The following TMC2 variants were observed in gnomAD, a reference collection of about 807,000 sequenced individuals.
TMC2 encodes transmembrane channel-like protein 2.
TMC2 carries 102 observed loss-of-function variants against 105.9 expected under a neutral mutation model. The observed-to-expected ratio is 0.96, with a 90% confidence interval of 0.82 to 1.14. The LOEUF is 1.14. Among genes scored for constraint, TMC2 ranks in the 50% most tolerant of loss-of-function variants. The probability of loss-of-function intolerance (pLI) is 0.00; values close to 1 mark genes in which losing one functional copy is unlikely to be tolerated. For missense variants in TMC2, 1,093 were observed against 1,134.3 expected (o/e 0.96, Z 0.52); for synonymous variants, 402 against 422.8 (o/e 0.95, Z 0.60).
At position 2,616,006 on chromosome 20, in the gene TMC2, G is replaced by C; in HGVS notation, c.1873-131G>C. The C allele has an allele frequency of 1.6e-6, 1 of 624,886 alleles. No individual in the cohort carries two copies. Among genetic ancestry groups the C allele is most frequent in the South Asian group, 2.1e-5 (1 of 48,480 alleles). The allele number at this position is 624,886 out of a possible 1,614,324, so 38.7% of individuals were successfully genotyped here. A position where few individuals can be genotyped will look rare whatever the true frequency, so the allele number is the denominator to read the frequency against. ...ATGCTAAATCTAAGGTTCTTCTCTA[G>C]TTACCAGAGCAGGCTCTTTGGGATG... On this transcript the variant is annotated intron_variant, in intron 14 of 19. Coordinates refer to ENST00000358864, the MANE Select transcript of TMC2 (RefSeq NM_080751.3). This position sits in a 1 kb window ranked among gnomAD's most constrained non-coding sequence, Gnocchi z 4.8.
chr20:2,608,300 TTTATTATTATTATTATTA>T (rs61608674), intron 11 of TMC2, among the ~76,000 whole-genome samples: 5 of 134,598 alleles, frequency 3.7e-5, no homozygotes, highest in South Asian at 2.5e-4. Flanking sequence ...CTTATTTTTA[TTTATTATTATTATTATTA>T]TTATTATTAT....
At chr20:2,620,186 T>G (rs1389540482) in intron 16 of TMC2, among the ~76,000 whole-genome samples, 1 of 152,246 alleles carries the variant, frequency 6.6e-6, no homozygotes, top group East Asian at 1.9e-4. Flanking sequence ...TTCTTCATGC[T>G]GCTTATAGAA....
At chr20:2,606,799 A>G (rs1298771807) in intron 11 of TMC2, among the ~76,000 whole-genome samples, 2 of 137,890 alleles carry the variant, frequency 1.5e-5, no homozygotes, top group African/African-American at 5.6e-5. Flanking sequence ...CCCCCTTTTT[A>G]TCTTTTTCTT....
chr20:2,597,286 C>A lies in TMC2; in HGVS notation c.1212C>A (p.Thr404=), dbSNP rs750935447. Residue 404 remains threonine (T), a synonymous_variant, in exon 10 of 20, where the codon ACC becomes ACA. Transcript: ENST00000358864. ...CTGATAACAAATATGCATCCATCAC[C>A]ACCAGCTTCAAGGTAGTCACCCCAG... ...ETADNKYASI[T]TSFKESIVDE... 1.2e-6 allele frequency: 2 copies of A among 1,613,802 alleles called. No homozygotes were observed. Among genetic ancestry groups the A allele is most frequent in the East Asian group, 2.2e-5 (1 of 44,852 alleles).
intron 2 of TMC2, among the ~76,000 whole-genome samples, chr20:2,552,950 T>C (rs1169455803): frequency 6.6e-6 from 1 of 152,214 alleles, no homozygotes; most frequent in East Asian, 1.9e-4. Flanking sequence ...TGTTACAAAA[T>C]GGCTTATTGG....
chr20:2,574,626 C>T (rs2086129922), intron 5 of TMC2, among the ~76,000 whole-genome samples: 1 of 152,128 alleles, frequency 6.6e-6, no homozygotes, highest in African/African-American at 2.4e-5. Flanking sequence ...CTTCCTGAAA[C>T]TTGATCATTT....
chr20:2,624,444 G>C lies in TMC2; in HGVS notation c.2306+48G>C, dbSNP rs765140564. 5.1e-6 allele frequency: 8 copies of C among 1,582,032 alleles called. No homozygotes were observed. The South Asian group carries it at 9.2e-5, about 18-fold the overall frequency. On this transcript the variant is annotated intron_variant, in intron 17 of 19. Coordinates refer to ENST00000358864, the MANE Select transcript of TMC2 (RefSeq NM_080751.3). ...CTCCACCCCACGGAAACTTCTCCTT[G>C]AATTTGAGACTTCCTTGGCAGGTCC...
At chr20:2,566,078 A>G (rs2086062113) in intron 4 of TMC2, among the ~76,000 whole-genome samples, 1 of 152,182 alleles carries the variant, frequency 6.6e-6, no homozygotes, top group Non-Finnish European at 1.5e-5. Context: ...GGACATAAAA[A>G]GCAACAGCAG....
At chr20:2,614,373 A>G (rs956355886) in intron 14 of TMC2, among the ~76,000 whole-genome samples, 2 of 152,158 alleles carry the variant, frequency 1.3e-5, no homozygotes, top group Non-Finnish European at 2.9e-5. Flanking sequence ...TGGGAGGCCA[A>G]ATTAGGAGAA....
At chr20:2,542,952 C>A (rs2085899812) in intron 2 of TMC2, among the ~76,000 whole-genome samples, 1 of 151,754 alleles carries the variant, frequency 6.6e-6, no homozygotes, top group South Asian at 2.1e-4. Flanking sequence ...AAACAAAATA[C>A]AAGGCCAGGC....
chr20:2,543,223 T>C (rs572943161), intron 2 of TMC2, among the ~76,000 whole-genome samples: 267 of 152,078 alleles, frequency 1.8e-3, no homozygotes, highest in Non-Finnish European at 2.7e-3. Context: ...GGTGACAGAG[T>C]GAGACTCTGT....
intron 2 of TMC2, among the ~76,000 whole-genome samples, chr20:2,538,586 T>C (rs2085867609): frequency 6.6e-6 from 1 of 152,164 alleles, no homozygotes; most frequent in Non-Finnish European, 1.5e-5. Flanking sequence ...TCCCTCTGCC[T>C]CTGCTGCAGG....
chr20:2,606,466 G>T (rs1471996213), intron 11 of TMC2, among the ~76,000 whole-genome samples: 2 of 152,042 alleles, frequency 1.3e-5, no homozygotes, highest in African/African-American at 4.8e-5. Flanking sequence ...CACCCTGTTG[G>T]CCAGGCTGGT....
intron 17 of TMC2, among the ~76,000 whole-genome samples, chr20:2,624,905 C>T (rs963040063): frequency 2.0e-5 from 3 of 152,168 alleles, no homozygotes; most frequent in Non-Finnish European, 2.9e-5. Flanking sequence ...GGAAGCTGAA[C>T]GGTGATTCGG....
At chr20:2,584,261 G>C (rs1440434083) in intron 7 of TMC2, among the ~76,000 whole-genome samples, 1 of 151,166 alleles carries the variant, frequency 6.6e-6, no homozygotes, top group Non-Finnish European at 1.5e-5. Context: ...CGGCTAACAC[G>C]GTGAAACCCC....
At chr20:2,561,829 C>G in intron 3 of TMC2, 29 bp from the exon 4 acceptor site, 1 of 1,601,084 alleles carries the variant, frequency 6.2e-7, no homozygotes, top group Non-Finnish European at 8.5e-7. Flanking sequence ...TCCAACTTCC[C>G]TCTGCCTCCG....
Position 2,633,039 on chromosome 20 carries a change from GAACT to G in TMC2, c.2307-2884_2307-2881del, listed in dbSNP as rs575352986. On this transcript the variant is annotated intron_variant, in intron 17 of 19. Transcript: ENST00000358864. ...GTTATTGTTGTTTAATAACTTTTCTGAACTAATTATGTAAAGTCTGTTTTCTTTG... is the reference window on the plus strand; with the variant it reads ...GTTATTGTTGTTTAATAACTTTTCTGAATTATGTAAAGTCTGTTTTCTTTG... Among the ~76,000 whole-genome samples, 534 of 152,284 alleles carry G rather than the reference GAACT, an allele frequency of 3.5e-3. 3 individuals carry two copies. The highest frequency in any genetic ancestry group is 5.8e-3 in the Non-Finnish European group (397 of 68,030).
At chr20:2,563,136 T>A (rs907284814) in intron 4 of TMC2, among the ~76,000 whole-genome samples, 5 of 152,186 alleles carry the variant, frequency 3.3e-5, no homozygotes, top group African/African-American at 1.2e-4. Flanking sequence ...GCTCCTCTCA[T>A]ACATGAGCTT....
rs2422788 is a variant in TMC2, at chr20:2,571,988, G to A, written c.555-191G>A. Among the ~76,000 whole-genome samples, 426 of 152,196 alleles carry A rather than the reference G, an allele frequency of 2.8e-3. 3 individuals are homozygous for A. The highest frequency in any genetic ancestry group is 8.2e-3 in the African/African-American group (340 of 41,498). On this transcript the variant is annotated intron_variant, in intron 4 of 19. Coordinates refer to ENST00000358864, the MANE Select transcript of TMC2 (RefSeq NM_080751.3). Reference sequence around the variant, plus strand: ...GCCTACCATGCCTGTTATGTACCTCGCACTCTTCTCAGCATTTGGGAAACT... The same window carrying A: ...GCCTACCATGCCTGTTATGTACCTCACACTCTTCTCAGCATTTGGGAAACT...
Sources: gnomAD v4.1 joint callset for allele counts (sites outside exome capture counted in the v4.1 genomes callset) on GRCh38, gnomAD v4.1.1 for gene constraint, Gnocchi (gnomAD v3.1) non-coding constraint, MANE v1.5 for transcripts, NCBI Gene and HGNC (gene_info 2026-07-23, HGNC 2026-07-21) for gene names.